Variants in TBL1XR1 observed in about 807,000 individuals in gnomAD.
The protein encoded by TBL1XR1 is F-box-like/WD repeat-containing protein TBL1XR1.
A neutral mutation model predicts 66.9 loss-of-function variants in TBL1XR1; 5 were observed. That is an observed-to-expected ratio of 0.07 (90% CI 0.04 to 0.16). The LOEUF (loss-of-function observed/expected upper bound fraction) is 0.16, where lower values mean the gene tolerates loss of function less well. Ranked by LOEUF, TBL1XR1 falls within the 10% of genes least tolerant of loss-of-function variation. The probability of loss-of-function intolerance (pLI) is 1.00; values close to 1 mark genes in which losing one functional copy is unlikely to be tolerated. For synonymous variants in TBL1XR1, 210 were observed against 206.0 expected (o/e 1.02, Z -0.17); for missense variants, 238 against 623.2 (o/e 0.38, Z 6.58).
Position 177,113,504 on chromosome 3 carries a change from C to T in TBL1XR1, c.-121-14963G>A, listed in dbSNP as rs1009447046. 3.3e-4 allele frequency among the ~76,000 whole-genome samples: 50 copies of T among 151,994 alleles called. 2 individuals are homozygous for T. The highest frequency in any genetic ancestry group is 1.0e-4 in the Non-Finnish European group (7 of 67,988). The stretch of plus-strand genomic sequence containing the variant: ...ATATCTAAAAGAACTTAAGACAACT[C>T]AATAACAAAAAATCAAATAACCTAA... On this transcript the variant is annotated intron_variant, in intron 1 of 15. Coordinates refer to ENST00000457928, the MANE Select transcript of TBL1XR1 (RefSeq NM_024665.7).
chr3:177,195,867 C>T (rs1736784633), intron 1 of TBL1XR1, among the ~76,000 whole-genome samples: 1 of 152,192 alleles, frequency 6.6e-6, no homozygotes, highest in Admixed American at 6.5e-5. Flanking sequence ...AACTGTAAAT[C>T]ACATAGGTAC....
At chr3:177,177,683 T>C (rs545947316) in intron 1 of TBL1XR1, among the ~76,000 whole-genome samples, 155 of 152,116 alleles carry the variant, frequency 1.0e-3, no homozygotes, top group Non-Finnish European at 1.8e-3. Context: ...ATAAATTATT[T>C]CCAGTACTCT....
chr3:177,035,869 C>G (rs560870689), intron 12 of TBL1XR1, among the ~76,000 whole-genome samples: 1 of 152,112 alleles, frequency 6.6e-6, no homozygotes, highest in Non-Finnish European at 1.5e-5. Context: ...GCGACCATGG[C>G]CCTATCCGCT....
intron 1 of TBL1XR1, among the ~76,000 whole-genome samples, chr3:177,190,672 T>C (rs901600323): frequency 6.6e-5 from 10 of 152,194 alleles, no homozygotes; most frequent in African/African-American, 2.4e-4. Context: ...TTTGCAACTC[T>C]GGCAGCACTA....
At chr3:177,050,698 C>T (rs1716946439) in intron 5 of TBL1XR1, 88 bp from the exon 6 acceptor site, 14 of 1,422,800 alleles carry the variant, frequency 9.8e-6, no homozygotes, top group Admixed American at 1.8e-5. Flanking sequence ...AAATACCTTC[C>T]TTTATCGCAC....
intron 1 of TBL1XR1, among the ~76,000 whole-genome samples, chr3:177,196,790 G>A (rs189028630): frequency 1.3e-5 from 2 of 151,966 alleles, no homozygotes; most frequent in African/African-American, 4.8e-5. Context: ...AAGGGAGGAA[G>A]AGGGGGAGAA....
intron 1 of TBL1XR1, among the ~76,000 whole-genome samples, chr3:177,192,809 C>G (rs191905458): frequency 7.2e-5 from 11 of 152,314 alleles, no homozygotes; most frequent in African/African-American, 2.4e-4. Flanking sequence ...CTAACTGGAT[C>G]TTCTTAACTC....
chr3:177,148,770 G>C (rs1730538533), intron 1 of TBL1XR1, among the ~76,000 whole-genome samples: 1 of 152,024 alleles, frequency 6.6e-6, no homozygotes, highest in Non-Finnish European at 1.5e-5. Flanking sequence ...TGCACTTTGG[G>C]AGGCCGGGTG....
At chr3:177,198,689 T>C (rs1737237395), upstream of TBL1XR1, among the ~76,000 whole-genome samples, 2 of 152,222 alleles carry the variant, frequency 1.3e-5, no homozygotes, top group African/African-American at 4.8e-5. Context: ...AGATACGACT[T>C]GAAACCTTTT....
rs1288469322 is a variant in TBL1XR1 at position 177,047,375 on chromosome 3, C to T, written c.789G>A (p.Gly263=). The T allele has an allele frequency of 1.9e-6, 3 of 1,578,088 alleles. No homozygotes were observed. Among genetic ancestry groups the T allele is most frequent in the Non-Finnish European group, 2.6e-6 (3 of 1,160,374 alleles). Residue 263 remains glycine, a synonymous_variant, in exon 9 of 16, where the codon GGG becomes GGA. Transcript: ENST00000457928. ...ATGCAAATATAGGGCCTTTATGCTG[C>T]CCTAAGGTGCTAGCAAGGTTACCTA... ...TKDGNLASTL[G]QHKGPIFALK... is the part of the protein sequence containing the mutation.
chr3:177,161,214 TATC>T (rs1732171610), intron 1 of TBL1XR1, among the ~76,000 whole-genome samples: 1 of 152,218 alleles, frequency 6.6e-6, no homozygotes, highest in Non-Finnish European at 1.5e-5. Context: ...CTGTTTTGCC[TATC>T]ATCTTAGATA....
At chr3:177,074,378 G>A (rs1681655) in intron 2 of TBL1XR1, among the ~76,000 whole-genome samples, 142,008 of 152,306 alleles carry the variant, frequency 0.93, 66,325 homozygotes, top group African/African-American at 0.98. Context: ...TCTTTCCAAA[G>A]TCCTTGCGTA....
At chr3:177,131,623 G>A (rs1430898282) in intron 1 of TBL1XR1, among the ~76,000 whole-genome samples, 4 of 149,946 alleles carry the variant, frequency 2.7e-5, no homozygotes, top group Non-Finnish European at 4.4e-5. Context: ...TGATTCTCCC[G>A]CCTCAGCCTC....
At chr3:177,025,790 A>G (rs898560673) in intron 15 of TBL1XR1, among the ~76,000 whole-genome samples, 10 of 152,216 alleles carry the variant, frequency 6.6e-5, no homozygotes, top group Non-Finnish European at 1.0e-4. Context: ...AAGGAGGGGG[A>G]AAATGCTCAA....
intron 1 of TBL1XR1, among the ~76,000 whole-genome samples, chr3:177,170,276 C>T (rs985136542): frequency 6.6e-6 from 1 of 152,188 alleles, no homozygotes; most frequent in African/African-American, 2.4e-5. Flanking sequence ...CTACCTCCAA[C>T]TCCCACACCA....
intron 5 of TBL1XR1, 58 bp from the exon 6 acceptor site, chr3:177,050,668 T>C (rs1716942453): frequency 1.3e-6 from 2 of 1,598,476 alleles, no homozygotes; most frequent in African/African-American, 1.3e-5. Context: ...ACATGGTGGA[T>C]GGGTGATTTC....
Position 177,153,135 on chromosome 3 carries a change from A to T in TBL1XR1, c.-122+43986T>A, listed in dbSNP as rs959845681. Among the ~76,000 whole-genome samples, 10 of 150,956 alleles carry T rather than the reference A, an allele frequency of 6.6e-5. No individual in the cohort carries two copies. The East Asian group carries it at 1.5e-3, about 23-fold the overall frequency. ...GGGCAACAGAGTGAAATAGTGTCTC[A>T]AAAATAAAATAAAATAAAATAAAGT... is the stretch of plus-strand genomic sequence containing the variant. On this transcript the variant is annotated intron_variant, in intron 1 of 15. Coordinates refer to ENST00000457928, the MANE Select transcript of TBL1XR1 (RefSeq NM_024665.7).
Position 177,098,472 on chromosome 3 carries a change from C to T in TBL1XR1, c.-52G>A. 2.0e-6 allele frequency: 2 copies of T among 985,658 alleles called. No homozygotes were observed. Among genetic ancestry groups the T allele is most frequent in the Non-Finnish European group, 2.4e-6 (2 of 829,772 alleles). The allele number at this position is 985,658 out of a possible 1,614,324, so 61.1% of individuals were successfully genotyped here. A position where few individuals can be genotyped will look rare whatever the true frequency, so the allele number is the denominator to read the frequency against. On this transcript the variant is annotated 5_prime_UTR_variant, in exon 2 of 16. Coordinates refer to ENST00000457928, the MANE Select transcript of TBL1XR1 (RefSeq NM_024665.7). ...GGGAGTTGGAGAGTCTTACCATTGG[C>T]AGTGCATTGATGTGGGGATGTGCAA...
At chr3:177,115,446 T>A (rs762658177) in intron 1 of TBL1XR1, among the ~76,000 whole-genome samples, 8 of 152,168 alleles carry the variant, frequency 5.3e-5, no homozygotes, top group Non-Finnish European at 1.0e-4. Flanking sequence ...ATTATCATAG[T>A]CATATTGTGC....
Sources: allele counts gnomAD v4.1 joint callset (sites outside exome capture counted in the v4.1 genomes callset), GRCh38; gene constraint gnomAD v4.1.1; transcripts MANE v1.5; gene names NCBI Gene and HGNC (gene_info 2026-07-23, HGNC 2026-07-21).